The following FARP1 variants were observed in gnomAD, a reference collection of about 807,000 sequenced individuals.
FARP1 encodes FERM, ARHGEF and pleckstrin domain-containing protein 1.
Under a neutral mutation model 128.8 loss-of-function variants are expected in FARP1, and 52 were observed. The ratio of observed to expected loss-of-function variants is 0.40; its 90% CI spans 0.32 to 0.51. The LOEUF (loss-of-function observed/expected upper bound fraction) is 0.51, where lower values mean the gene tolerates loss of function less well. FARP1 is among the 20% of genes least tolerant of loss of function. The pLI, the probability that FARP1 is intolerant of heterozygous loss-of-function variation, is 0.45. For synonymous variants in FARP1, 580 were observed against 551.8 expected, an observed-to-expected ratio of 1.05 and a Z score of -0.72; for missense variants, 1,333 against 1,367.9, an observed-to-expected ratio of 0.97 and a Z score of 0.40.
At chr13:98,446,520 C>T (rs1411601741) in intron 25 of FARP1, 146 bp from the exon 26 acceptor site, 5 of 797,942 alleles carry the variant, frequency 6.3e-6, no homozygotes, top group Non-Finnish European at 8.1e-6. Flanking sequence ...TACAGGCAAA[C>T]ACTGGCTGCC....
In FARP1 at chr13:98,446,200, C is replaced by T. The variant is rs1311897796; in HGVS notation, c.2899C>T (p.His967Tyr). 3.1e-6 allele frequency: 5 copies of T among 1,610,074 alleles called. No individual in the cohort carries two copies. Among genetic ancestry groups the T allele is most frequent in the South Asian group, 1.1e-5 (1 of 90,872 alleles). The change falls in exon 25 of 27, where the codon CAC becomes TAC. Residue 967 changes from histidine to tyrosine, a missense_variant. This residue lies in a region of FARP1 where 1,009 missense variants were observed against 969.8 expected (regional missense o/e 1.04). Transcript: ENST00000319562. ...TNFCLFFYKS[H>Y]QDNHPLASLP... is the part of the protein sequence containing the mutation. ...CTTCTGCCTGTTCTTCTACAAATCA[C>T]ACCAGGTAAGTGTCTCGCACAGGGC... is the stretch of plus-strand genomic sequence containing the variant.
chr13:98,380,315 C>G (rs554253071), intron 6 of FARP1, among the ~76,000 whole-genome samples: 1 of 142,100 alleles, frequency 7.0e-6, no homozygotes. Context: ...GGTGTGGTGG[C>G]GGTGGGCGCC....
At chr13:98,413,319 AAG>A (rs1487508025) in intron 16 of FARP1, among the ~76,000 whole-genome samples, 2 of 152,202 alleles carry the variant, frequency 1.3e-5, no homozygotes, top group African/African-American at 4.8e-5. Context: ...CCACGTTAGC[AAG>A]AGTCTTGGTA....
At chr13:98,343,683 G>A (rs915527134) in intron 2 of FARP1, 79 bp from the exon 3 acceptor site, 3 of 999,776 alleles carry the variant, frequency 3.0e-6, no homozygotes, top group Non-Finnish European at 4.8e-6. Context: ...GGAATCCAGA[G>A]GTTTCCTGCA....
At chr13:98,301,796 G>A (rs74110916) in intron 2 of FARP1, among the ~76,000 whole-genome samples, 134 of 152,208 alleles carry the variant, frequency 8.8e-4, no homozygotes, top group East Asian at 3.5e-3. Flanking sequence ...AAGTGTACAC[G>A]TACTCGGTGG....
intron 2 of FARP1, among the ~76,000 whole-genome samples, chr13:98,235,606 T>G (rs537073516): frequency 5.3e-4 from 81 of 152,264 alleles, no homozygotes; most frequent in African/African-American, 1.8e-3. Flanking sequence ...GCTCACCATC[T>G]TAATCATTTT....
At chr13:98,175,165 C>G (rs1877914366) in intron 1 of FARP1, among the ~76,000 whole-genome samples, 1 of 152,130 alleles carries the variant, frequency 6.6e-6, no homozygotes, top group Admixed American at 6.5e-5. Context: ...TTTCAGTCTT[C>G]AAGGAATTCA....
intron 2 of FARP1, among the ~76,000 whole-genome samples, chr13:98,268,136 A>ACT (rs1884215081): frequency 6.6e-6 from 1 of 152,062 alleles, no homozygotes; most frequent in Non-Finnish European, 1.5e-5. Flanking sequence ...TATTTTGGGG[A>ACT]CATGTGAAAA....
intron 2 of FARP1, among the ~76,000 whole-genome samples, chr13:98,336,032 A>G (rs895904419): frequency 6.6e-6 from 1 of 152,212 alleles, no homozygotes; most frequent in Non-Finnish European, 1.5e-5. Flanking sequence ...TGTCTATGAG[A>G]TGATTTCCAC....
intron 1 of FARP1, among the ~76,000 whole-genome samples, chr13:98,168,854 C>T (rs183530594): frequency 2.6e-5 from 4 of 152,304 alleles, no homozygotes; most frequent in Non-Finnish European, 1.5e-5. Context: ...GTGTCCTGTA[C>T]TTCCTGCTGT....
intron 2 of FARP1, among the ~76,000 whole-genome samples, chr13:98,220,352 A>G (rs1014030817): frequency 3.3e-5 from 5 of 152,204 alleles, no homozygotes; most frequent in Non-Finnish European, 7.3e-5. Context: ...TCAGACCTGC[A>G]GGGAGGTGTG....
chr13:98,239,650 G>C (rs1305853339), intron 2 of FARP1, among the ~76,000 whole-genome samples: 1 of 152,194 alleles, frequency 6.6e-6, no homozygotes, highest in African/African-American at 2.4e-5. Flanking sequence ...CAGGCACCAA[G>C]TGGCCTGGGG....
At chr13:98,142,811 C>T (rs1429791365), upstream of FARP1, 8 of 152,330 alleles carry the variant, frequency 5.3e-5, no homozygotes, top group African/African-American at 1.9e-4. Flanking sequence ...GGATTCGCGT[C>T]TCGCCAGTGG....
intron 2 of FARP1, among the ~76,000 whole-genome samples, chr13:98,232,682 C>T (rs1329954245): frequency 6.6e-6 from 1 of 152,132 alleles, no homozygotes; most frequent in Non-Finnish European, 1.5e-5. Context: ...TTTTTATGCA[C>T]TGGGAAACCA....
At chr13:98,387,988 G>A (rs924161217) in intron 8 of FARP1, among the ~76,000 whole-genome samples, 2 of 152,202 alleles carry the variant, frequency 1.3e-5, no homozygotes. Flanking sequence ...AGTCCATCTT[G>A]CTGGGTTTTA....
chr13:98,220,916 G>A (rs1429292948), intron 2 of FARP1, among the ~76,000 whole-genome samples: 2 of 152,124 alleles, frequency 1.3e-5, no homozygotes, highest in African/African-American at 4.8e-5. Flanking sequence ...GAGAATGTCT[G>A]AATCTGACTT....
chr13:98,341,853 G>T (rs1337892380), intron 2 of FARP1, among the ~76,000 whole-genome samples: 7 of 152,114 alleles, frequency 4.6e-5, no homozygotes, highest in African/African-American at 1.7e-4. Flanking sequence ...TTTCCCTATA[G>T]ATCCAGTATG....
intron 1 of FARP1, among the ~76,000 whole-genome samples, chr13:98,190,813 C>G (rs1355071821): frequency 6.6e-6 from 1 of 150,516 alleles, no homozygotes; most frequent in Admixed American, 6.6e-5. Context: ...TCCCAAAGTG[C>G]TTAGATTACA....
intron 5 of FARP1, among the ~76,000 whole-genome samples, chr13:98,370,551 A>G (rs867365364): frequency 8.1e-6 from 1 of 123,420 alleles, no homozygotes; most frequent in Non-Finnish European, 1.6e-5. Flanking sequence ...GAGAGGGGGC[A>G]CTTAGATTTT....
Sources: gnomAD v4.1 joint callset for allele counts (sites outside exome capture counted in the v4.1 genomes callset) on GRCh38, gnomAD v4.1.1 for gene constraint, gnomAD v4.1.1 regional missense constraint, MANE v1.5 for transcripts, NCBI Gene and HGNC (gene_info 2026-07-23, HGNC 2026-07-21) for gene names.